The following XPR1 variants were observed in gnomAD, a reference collection of about 807,000 sequenced individuals.
XPR1 encodes the protein solute carrier family 53 member 1.
In XPR1, 28 loss-of-function variants were observed where a neutral mutation model predicts 87.5. The observed-to-expected ratio is 0.32, with a 90% confidence interval of 0.24 to 0.44. XPR1 has a LOEUF of 0.44. Among genes scored for constraint, XPR1 ranks in the 20% least tolerant of loss-of-function variants. The pLI, the probability that XPR1 is intolerant of heterozygous loss-of-function variation, is 1.00. For synonymous variants in XPR1, 300 were observed against 306.1 expected (o/e 0.98, Z 0.21); for missense variants, 559 against 862.3 (o/e 0.65, Z 4.41).
intron 11 of XPR1, among the ~76,000 whole-genome samples, chr1:180,853,626 GACACAC>G (rs143320476): frequency 0.068 from 9,559 of 140,210 alleles, 468 homozygotes; most frequent in African/African-American, 0.15. Context: ...TTAGACTATA[GACACAC>G]ACACACACAC....
At chr1:180,699,058 A>G (rs1571738886) in intron 2 of XPR1, among the ~76,000 whole-genome samples, 1 of 152,096 alleles carries the variant, frequency 6.6e-6, no homozygotes, top group Non-Finnish European at 1.5e-5. Context: ...ATCTCTTGCA[A>G]GTCTTGGAGA....
At chr1:180,712,435 A>C (rs1371376998) in intron 2 of XPR1, among the ~76,000 whole-genome samples, 1 of 152,254 alleles carries the variant, frequency 6.6e-6, no homozygotes, top group African/African-American at 2.4e-5. Context: ...TTTTCTATTT[A>C]ATATTTTCAG....
At chr1:180,692,855 G>C (rs1657035633) in intron 2 of XPR1, among the ~76,000 whole-genome samples, 1 of 152,106 alleles carries the variant, frequency 6.6e-6, no homozygotes, top group Non-Finnish European at 1.5e-5. Context: ...CAGGTAGGAA[G>C]CTGGAAGCAA....
intron 1 of XPR1, among the ~76,000 whole-genome samples, chr1:180,651,272 A>G (rs970706238): frequency 1.3e-5 from 2 of 152,018 alleles, no homozygotes; most frequent in African/African-American, 2.4e-5. Flanking sequence ...GTGTATTTTT[A>G]GTAGAGGCGG....
chr1:180,694,922 T>G (rs997690784), intron 2 of XPR1, among the ~76,000 whole-genome samples: 16 of 152,146 alleles, frequency 1.1e-4, no homozygotes, highest in African/African-American at 3.9e-4. Context: ...TTCTTTGGAT[T>G]GGGGGATTAA....
intron 1 of XPR1, among the ~76,000 whole-genome samples, chr1:180,674,963 G>T (rs1656316923): frequency 6.6e-6 from 1 of 152,140 alleles, no homozygotes; most frequent in African/African-American, 2.4e-5. Context: ...AATGTTGGTT[G>T]AATATTATTG....
chr1:180,681,329 A>G (rs1385859365), intron 1 of XPR1, among the ~76,000 whole-genome samples: 1 of 152,212 alleles, frequency 6.6e-6, no homozygotes, highest in Admixed American at 6.5e-5. Flanking sequence ...AGGCATATGT[A>G]CAGTTATTAT....
chr1:180,658,862 C>T (rs889525773), intron 1 of XPR1, among the ~76,000 whole-genome samples: 16 of 152,072 alleles, frequency 1.1e-4, no homozygotes, highest in African/African-American at 3.9e-4. Flanking sequence ...AGCCACTGCA[C>T]CCGGCCGATC....
Position 180,764,017 on chromosome 1 carries a change from T to C in XPR1, c.122-23736T>C, listed in dbSNP as rs115253915. 4.6e-3 allele frequency among the ~76,000 whole-genome samples: 698 copies of C among 152,356 alleles called. 12 individuals carry two copies. Among genetic ancestry groups the C allele is most frequent in the African/African-American group, 0.016 (675 of 41,580 alleles). On this transcript the variant is annotated intron_variant, in intron 2 of 14. Transcript: ENST00000367590. ...CGTGAATGCATTATTTTTCACTTTG[T>C]TAATGGTATGCCTTAATTTTTCCTG...
intron 2 of XPR1, among the ~76,000 whole-genome samples, chr1:180,686,639 A>G (rs1286590777): frequency 1.3e-5 from 2 of 152,166 alleles, no homozygotes; most frequent in Non-Finnish European, 2.9e-5. Context: ...TCAGGTTTTT[A>G]AAATGAGAGT....
At chr1:180,713,315 A>G (rs1657871604) in intron 2 of XPR1, among the ~76,000 whole-genome samples, 2 of 152,296 alleles carry the variant, frequency 1.3e-5, no homozygotes, top group Non-Finnish European at 2.9e-5. Flanking sequence ...AGTACTATAT[A>G]TATAAAGATT....
chr1:180,682,407 G>A lies in XPR1; in HGVS notation c.117G>A (p.Val39=). The A allele has an allele frequency of 1.3e-6, 2 of 1,599,200 alleles. No homozygotes were observed. The highest frequency in any genetic ancestry group is 1.7e-6 in the Non-Finnish European group (2 of 1,172,510). Reference sequence around the variant, plus strand: ...CAGCTCAGGACCAGGCACCTTCTGTGGAAGGTAAGATGAATTAACCCTTAA... The same window carrying A: ...CAGCTCAGGACCAGGCACCTTCTGTAGAAGGTAAGATGAATTAACCCTTAA... ...LYSAQDQAPS[V]EVTDEDTVKR... The change falls in exon 2 of 15, where the codon GTG becomes GTA. Residue 39 remains valine (V), a synonymous_variant. Coordinates refer to ENST00000367590, the MANE Select transcript of XPR1 (RefSeq NM_004736.4).
At chr1:180,668,295 AT>A (rs1484960703) in intron 1 of XPR1, among the ~76,000 whole-genome samples, 1 of 151,684 alleles carries the variant, frequency 6.6e-6, no homozygotes, top group Non-Finnish European at 1.5e-5. Flanking sequence ...CGTCTGGCTA[AT>A]TTGTGGGCTT....
chr1:180,765,933 A>G (rs1648266284), intron 2 of XPR1, among the ~76,000 whole-genome samples: 1 of 152,054 alleles, frequency 6.6e-6, no homozygotes, highest in Non-Finnish European at 1.5e-5. Flanking sequence ...TTTTTCAAGA[A>G]GACAGTCAGT....
In XPR1 at chr1:180,880,039, A is replaced by G. The variant is rs546565011; in HGVS notation, c.1809-37A>G. 4.3e-5 allele frequency: 69 copies of G among 1,609,740 alleles called. 1 individual carries two copies. The highest frequency in any genetic ancestry group is 1.6e-4 in the Middle Eastern group (1 of 6,076). On this transcript the variant is annotated intron_variant, in intron 13 of 14. Coordinates refer to ENST00000367590, the MANE Select transcript of XPR1 (RefSeq NM_004736.4). ...TTACAGGTAGCAGAAGTATGTTACA[A>G]TTTCATAAGTACTTTGATCTACCCC... is the stretch of plus-strand genomic sequence containing the variant.
At chr1:180,861,591 A>G (rs1357632120) in intron 11 of XPR1, among the ~76,000 whole-genome samples, 1 of 152,144 alleles carries the variant, frequency 6.6e-6, no homozygotes, top group Non-Finnish European at 1.5e-5. Flanking sequence ...TTTGTTTTTA[A>G]TGAAGAAAAA....
chr1:180,837,829 G>A (rs1651355940), intron 11 of XPR1, among the ~76,000 whole-genome samples: 2 of 152,124 alleles, frequency 1.3e-5, no homozygotes. Context: ...TCAGGAGGTT[G>A]TTACTAGAGA....
chr1:180,636,911 G>A (rs1354526651), intron 1 of XPR1, among the ~76,000 whole-genome samples: 1 of 152,074 alleles, frequency 6.6e-6, no homozygotes, highest in Non-Finnish European at 1.5e-5. Flanking sequence ...AATTAGCTGA[G>A]TGTGGTGGTG....
chr1:180,862,279 G>C (rs970108514), intron 11 of XPR1, among the ~76,000 whole-genome samples: 1 of 151,960 alleles, frequency 6.6e-6, no homozygotes, highest in South Asian at 2.1e-4. Context: ...TCCACAGTCA[G>C]ACCCAGATGA....
Sources: gnomAD v4.1 joint callset for allele counts (sites outside exome capture counted in the v4.1 genomes callset) on GRCh38, gnomAD v4.1.1 for gene constraint, MANE v1.5 for transcripts, NCBI Gene and HGNC (gene_info 2026-07-23, HGNC 2026-07-21) for gene names.